Variants in DCDC1 observed in about 807,000 individuals in gnomAD.
DCDC1 encodes doublecortin domain-containing protein 1.
In DCDC1, 200 loss-of-function variants were observed where a neutral mutation model predicts 178.3. The ratio of observed to expected loss-of-function variants is 1.12; its 90% confidence interval spans 1.00 to 1.26. DCDC1 has a LOEUF of 1.26. DCDC1 is among the 50% of genes most tolerant of loss of function. DCDC1 has a pLI of 0.00. For synonymous variants in DCDC1, 690 were observed against 604.8 expected, an observed-to-expected ratio of 1.14 and a Z score of -2.07; for missense variants, 1,983 against 1,749.2, an observed-to-expected ratio of 1.13 and a Z score of -2.38.
chr11:30,995,581 A>G (rs192554793), intron 20 of DCDC1, among the ~76,000 whole-genome samples: 5 of 152,288 alleles, frequency 3.3e-5, no homozygotes, highest in Admixed American at 6.5e-5. Context: ...GGAGCAAAAG[A>G]GAGAGCCCAG....
intron 8 of DCDC1, among the ~76,000 whole-genome samples, chr11:31,250,415 C>CACACACACACACACATATATAT (rs1223526182): frequency 1.4e-5 from 1 of 73,672 alleles, no homozygotes; most frequent in Non-Finnish European, 2.8e-5. Flanking sequence ...CACACACACA[C>CACACACACACACACATATATAT]ATATACATAT....
intron 7 of DCDC1, among the ~76,000 whole-genome samples, chr11:31,270,393 T>C (rs992079288): frequency 6.6e-6 from 1 of 152,266 alleles, no homozygotes; most frequent in African/African-American, 2.4e-5. Flanking sequence ...AGAGACCTTC[T>C]GGCTTGCAAA....
chr11:31,326,766 C>G (rs977741995), intron 3 of DCDC1, among the ~76,000 whole-genome samples: 3 of 152,050 alleles, frequency 2.0e-5, no homozygotes, highest in African/African-American at 7.2e-5. Context: ...TCAAACTGAT[C>G]TAGGAAATAA....
At chr11:31,022,810 T>C (rs1262037921) in intron 20 of DCDC1, among the ~76,000 whole-genome samples, 2 of 151,784 alleles carry the variant, frequency 1.3e-5, no homozygotes, top group African/African-American at 2.4e-5. Context: ...TCCAACTAGA[T>C]TATAAGTACC....
chr11:31,085,320 C>G (rs1246008640), intron 17 of DCDC1, among the ~76,000 whole-genome samples: 1 of 151,914 alleles, frequency 6.6e-6, no homozygotes, highest in Non-Finnish European at 1.5e-5. Context: ...ATGAACATAT[C>G]CACATCTGTC....
At chr11:31,126,066 T>C (rs77312954) in intron 11 of DCDC1, among the ~76,000 whole-genome samples, 2,490 of 152,258 alleles carry the variant, frequency 0.016, 31 homozygotes, top group South Asian at 0.041. Context: ...AGCAGTGAAC[T>C]TGAGGGAAAA....
chr11:31,182,904 A>G (rs1486255203), intron 9 of DCDC1, among the ~76,000 whole-genome samples: 1 of 150,448 alleles, frequency 6.6e-6, no homozygotes, highest in East Asian at 2.0e-4. Flanking sequence ...GGATGGAGGA[A>G]TACTTACCAA....
At chr11:31,057,248 AAAGGAAGGAAGG>A (rs568316390) in intron 20 of DCDC1, among the ~76,000 whole-genome samples, 1 of 137,936 alleles carries the variant, frequency 7.2e-6, no homozygotes, top group African/African-American at 2.8e-5. Context: ...GAAAGAAAAG[AAAGGAAGGAAGG>A]AAGGAAGGGA....
At chr11:31,335,890 C>A (rs1000154443) in intron 1 of DCDC1, among the ~76,000 whole-genome samples, 1 of 152,074 alleles carries the variant, frequency 6.6e-6, no homozygotes, top group African/African-American at 2.4e-5. Flanking sequence ...GATTATATGG[C>A]AGGCCTAAGG....
At chr11:31,013,662 TACA>T (rs1164587068) in intron 20 of DCDC1, among the ~76,000 whole-genome samples, 1 of 152,208 alleles carries the variant, frequency 6.6e-6, no homozygotes, top group Non-Finnish European at 1.5e-5. Flanking sequence ...TTTAAAACTG[TACA>T]ACAATCCCTT....
At chr11:30,990,321 A>G (rs147574044) in intron 20 of DCDC1, among the ~76,000 whole-genome samples, 1 of 152,354 alleles carries the variant, frequency 6.6e-6, no homozygotes, top group Non-Finnish European at 1.5e-5. Flanking sequence ...ACCCAGAATC[A>G]TCACTGTGGG....
At chr11:31,179,015 G>T (rs949737419) in intron 9 of DCDC1, among the ~76,000 whole-genome samples, 5 of 152,056 alleles carry the variant, frequency 3.3e-5, no homozygotes, top group African/African-American at 7.2e-5. Context: ...AATGGGCAAA[G>T]GACCTTAGTA....
Position 30,900,478 on chromosome 11 carries a change from T to G in DCDC1, c.4531A>C (p.Lys1511Gln), listed in dbSNP as rs1415962672. Residue 1511 changes from lysine (K) to glutamine (Q), a missense_variant, in exon 33 of 39, where the codon AAA (lysine) becomes CAA (glutamine). Lys to Gln is a moderately conservative substitution (Grantham distance 53, BLOSUM62 1). Coordinates refer to ENST00000684477, the MANE Select transcript of DCDC1 (RefSeq NM_001387274.1). ...SMEENPRMKV[K>Q]NRLFAKSVTS... ...ACAGATTTTGCAAATAATCTGTTTT[T>G]CACTTTCATTCTTGGATTTTCTGGT... 3 of 1,544,352 alleles carry G rather than the reference T, an allele frequency of 1.9e-6. No individual in the cohort carries two copies. Among genetic ancestry groups the G allele is most frequent in the Non-Finnish European group, 2.6e-6 (3 of 1,142,378 alleles).
chr11:31,146,538 G>T (rs1964476857), intron 9 of DCDC1, among the ~76,000 whole-genome samples: 1 of 152,158 alleles, frequency 6.6e-6, no homozygotes. Context: ...ATGTTGTGCT[G>T]CCCTTTGGAA....
chr11:31,235,977 G>T (rs1976402579), intron 9 of DCDC1, among the ~76,000 whole-genome samples: 1 of 151,916 alleles, frequency 6.6e-6, no homozygotes, highest in African/African-American at 2.4e-5. Context: ...TTAATAAATA[G>T]TTTTCATGAT....
intron 1 of DCDC1, among the ~76,000 whole-genome samples, chr11:31,355,732 T>A (rs1374818028): frequency 6.6e-6 from 1 of 152,002 alleles, no homozygotes; most frequent in East Asian, 1.9e-4. Context: ...CACGCCCGGC[T>A]AATTTTTTGT....
At chr11:31,329,536 A>T (rs1356748001) in intron 2 of DCDC1, among the ~76,000 whole-genome samples, 1 of 151,942 alleles carries the variant, frequency 6.6e-6, no homozygotes, top group Non-Finnish European at 1.5e-5. Flanking sequence ...TCCGAATGCT[A>T]TCCCTCCAGC....
chr11:31,166,147 G>C (rs1320080280), intron 9 of DCDC1, among the ~76,000 whole-genome samples: 1 of 151,868 alleles, frequency 6.6e-6, no homozygotes, highest in Non-Finnish European at 1.5e-5. Context: ...GCTTCTTTTG[G>C]GTCTAACGTT....
At chr11:31,003,870 A>C (rs573623918) in intron 20 of DCDC1, among the ~76,000 whole-genome samples, 1 of 152,352 alleles carries the variant, frequency 6.6e-6, no homozygotes, top group Non-Finnish European at 1.5e-5. Flanking sequence ...GTAATCAATT[A>C]GAAGGCAAGA....
Sources: allele counts gnomAD v4.1 joint callset (sites outside exome capture counted in the v4.1 genomes callset), GRCh38; gene constraint gnomAD v4.1.1; transcripts MANE v1.5; gene names NCBI Gene and HGNC (gene_info 2026-07-23, HGNC 2026-07-21).